The following NFS1 variants were observed in gnomAD, a reference collection of about 807,000 sequenced individuals.
The protein encoded by NFS1 is cysteine desulfurase.
A neutral mutation model predicts 57.3 loss-of-function variants in NFS1; 26 were observed. The observed-to-expected ratio is 0.45, with a 90% CI of 0.33 to 0.63. The LOEUF (loss-of-function observed/expected upper bound fraction) is 0.63. NFS1 is among the 20% of genes least tolerant of loss of function. The pLI is 0.02. For missense variants in NFS1, 505 were observed against 605.8 expected, an observed-to-expected ratio of 0.83 and a Z score of 1.75; for synonymous variants, 209 against 216.3, an observed-to-expected ratio of 0.97 and a Z score of 0.30.
chr20:35,679,350 A>AT (rs1222935163), intron 7 of NFS1, among the ~76,000 whole-genome samples: 1 of 151,924 alleles, frequency 6.6e-6, no homozygotes, highest in Non-Finnish European at 1.5e-5. Context: ...CACCCGGCTA[A>AT]TTTTTTTATT....
At chr20:35,693,239 A>G (rs1326921749) in intron 4 of NFS1, among the ~76,000 whole-genome samples, 1 of 151,848 alleles carries the variant, frequency 6.6e-6, no homozygotes, top group African/African-American at 2.4e-5. Context: ...AGTAGCTGGG[A>G]CTACAGCCAC....
chr20:35,668,974 G>A lies in NFS1; in HGVS notation c.*648C>T, dbSNP rs1472482684. On this transcript the variant is annotated 3_prime_UTR_variant, in exon 13 of 13. Transcript: ENST00000374092. ...TCATAAAGTCACAGAGTAAATAGAA[G>A]GTGAGTTTATTTCTCCAGTCTTGAA... is the stretch of plus-strand genomic sequence containing the variant. 1 of 152,084 alleles carries A rather than the reference G, an allele frequency of 6.6e-6. No homozygotes were observed. The highest frequency in any genetic ancestry group is 1.5e-5 in the Non-Finnish European group (1 of 68,006). The allele number at this position is 152,084 out of a possible 1,614,324, so 9.4% of individuals were successfully genotyped here.
Position 35,690,400 on chromosome 20 carries a change from T to C in NFS1, c.561+13A>G, listed in dbSNP as rs745987778. 1.9e-6 allele frequency: 3 copies of C among 1,609,582 alleles called. No homozygotes were observed. Among genetic ancestry groups the C allele is most frequent in the South Asian group, 1.1e-5 (1 of 90,406 alleles). On this transcript the variant is annotated intron_variant, in intron 5 of 12. Coordinates refer to ENST00000374092, the MANE Select transcript of NFS1 (RefSeq NM_021100.5). ...CCTCCATTTTTGCTCCTCCTGCCAA[T>C]AGCCACTCCTACCTTTAGGTCAATG...
At chr20:35,680,010 T>G (rs1385512754) in intron 7 of NFS1, among the ~76,000 whole-genome samples, 1 of 152,032 alleles carries the variant, frequency 6.6e-6, no homozygotes, top group Non-Finnish European at 1.5e-5. Flanking sequence ...CTTCTAAGAA[T>G]AAACACAAAG....
At chr20:35,698,777 G>A in intron 1 of NFS1, 187 bp from the exon 2 acceptor site, 1 of 1,400,618 alleles carries the variant, frequency 7.1e-7, no homozygotes, top group South Asian at 1.6e-5. Flanking sequence ...AAGGGAGAGG[G>A]AGAGAGGGTT....
At chr20:35,680,606 G>T in intron 7 of NFS1, 131 bp downstream of exon 7, 1 of 691,384 alleles carries the variant, frequency 1.4e-6, no homozygotes, top group Non-Finnish European at 2.2e-6. Context: ...AATGACATTT[G>T]CATTCTACAA....
At chr20:35,690,318 A>G (rs1334724419) in intron 5 of NFS1, 95 bp downstream of exon 5, 2 of 1,188,664 alleles carry the variant, frequency 1.7e-6, no homozygotes, top group South Asian at 1.4e-5. Context: ...TGTTAGATCT[A>G]TTCCTTCAAG....
rs17092967 is a variant in NFS1, at chr20:35,688,989, G to A, written c.561+1424C>T. On this transcript the variant is annotated intron_variant, in intron 5 of 12. Transcript: ENST00000374092. ...TGAGGGGTCCATCTACAAACAGCAT[G>A]TTAGGATTTGTCTAGGAATGCTGAT... 5.3e-3 allele frequency among the ~76,000 whole-genome samples: 814 copies of A among 152,328 alleles called. 18 individuals carry two copies. The highest frequency in any genetic ancestry group is 0.019 in the African/African-American group (770 of 41,582).
intron 7 of NFS1, among the ~76,000 whole-genome samples, chr20:35,677,386 C>T (rs6060551): frequency 0.067 from 10,229 of 151,674 alleles, 415 homozygotes; most frequent in South Asian, 0.18. Context: ...AAAATTAAAA[C>T]TTAGCTGGGC....
intron 12 of NFS1, 126 bp downstream of exon 12, chr20:35,672,629 T>C: frequency 1.4e-6 from 1 of 691,370 alleles, no homozygotes; most frequent in Non-Finnish European, 2.6e-6. Flanking sequence ...CTTTGTGGAA[T>C]CTCTAAATCC....
intron 5 of NFS1, among the ~76,000 whole-genome samples, chr20:35,685,213 A>G (rs1568961554): frequency 6.6e-6 from 1 of 151,856 alleles, no homozygotes; most frequent in Non-Finnish European, 1.5e-5. Flanking sequence ...TACAAAAAGA[A>G]AAAAGAAAAA....
intron 5 of NFS1, among the ~76,000 whole-genome samples, chr20:35,684,463 A>T (rs1482553498): frequency 1.4e-5 from 2 of 139,922 alleles, no homozygotes; most frequent in Non-Finnish European, 3.0e-5. Flanking sequence ...AATAAAATAA[A>T]ATAAGGGCCG....
intron 11 of NFS1, among the ~76,000 whole-genome samples, 197 bp downstream of exon 11, chr20:35,673,404 C>A (rs2034689498): frequency 1.3e-5 from 2 of 152,034 alleles, no homozygotes; most frequent in Non-Finnish European, 2.9e-5. Flanking sequence ...ACTCAGATAT[C>A]ATATTTCACA....
intron 7 of NFS1, among the ~76,000 whole-genome samples, chr20:35,676,774 A>AAAAAAAAAAAAAC (rs2034755830): frequency 6.7e-6 from 1 of 148,818 alleles, no homozygotes; most frequent in Non-Finnish European, 1.5e-5. Flanking sequence ...AAAAAAAAAA[A>AAAAAAAAAAAAAC]AAAAAAAAAA....
intron 12 of NFS1, among the ~76,000 whole-genome samples, chr20:35,671,993 C>G (rs1214184359): frequency 1.3e-5 from 2 of 152,128 alleles, no homozygotes; most frequent in Non-Finnish European, 2.9e-5. Flanking sequence ...GAGTCTCACT[C>G]TGTCACCCAG....
At chr20:35,674,648 T>A in intron 8 of NFS1, 31 bp from the exon 9 acceptor site, 1 of 1,520,200 alleles carries the variant, frequency 6.6e-7, no homozygotes, top group Non-Finnish European at 9.1e-7. Flanking sequence ...GATTAGGCAG[T>A]AACCATTAAC....
intron 7 of NFS1, among the ~76,000 whole-genome samples, chr20:35,679,918 T>C (rs2034819903): frequency 6.6e-6 from 1 of 151,996 alleles, no homozygotes. Flanking sequence ...GAGGCATAAC[T>C]CAAGCTTGAA....
intron 10 of NFS1, 86 bp from the exon 11 acceptor site, chr20:35,673,770 G>A (rs748124362): frequency 1.2e-5 from 12 of 1,042,474 alleles, no homozygotes; most frequent in African/African-American, 1.1e-4. Context: ...CCATCCCCCA[G>A]GGCCCTGGAG....
chr20:35,673,545 G>A, intron 11 of NFS1, 56 bp downstream of exon 11: 4 of 1,442,030 alleles, frequency 2.8e-6, no homozygotes, highest in Non-Finnish European at 3.9e-6. Flanking sequence ...ACTGTAACAG[G>A]AGATGAAAAA....
Sources: gnomAD v4.1 joint callset for allele counts (sites outside exome capture counted in the v4.1 genomes callset) on GRCh38, gnomAD v4.1.1 for gene constraint, MANE v1.5 for transcripts, NCBI Gene and HGNC (gene_info 2026-07-23, HGNC 2026-07-21) for gene names.